HERC3: variants seen among roughly 807,000 people sequenced by gnomAD.
HERC3 encodes the protein probable E3 ubiquitin-protein ligase HERC3.
Under a neutral mutation model 129.9 loss-of-function variants are expected in HERC3, and 58 were observed. That is an observed-to-expected ratio of 0.45 (90% CI 0.36 to 0.56). The LOEUF (loss-of-function observed/expected upper bound fraction) is 0.56, where lower values mean the gene tolerates loss of function less well. Among genes scored for constraint, HERC3 ranks in the 20% least tolerant of loss-of-function variants. HERC3 has a pLI of 0.00. For synonymous variants in HERC3, 430 were observed against 451.0 expected (o/e 0.95, Z 0.59); for missense variants, 835 against 1,244.2 (o/e 0.67, Z 4.95).
chr4:88,664,041 G>A, intron 11 of HERC3, 112 bp from the exon 12 acceptor site: 1 of 783,062 alleles, frequency 1.3e-6, no homozygotes, highest in Non-Finnish European at 2.0e-6. Flanking sequence ...AGCTGACAAA[G>A]AGCTGCTATT....
intron 3 of HERC3, among the ~76,000 whole-genome samples, chr4:88,635,432 G>A (rs1727270460): frequency 6.6e-6 from 1 of 151,814 alleles, no homozygotes; most frequent in Non-Finnish European, 1.5e-5. Flanking sequence ...CTGAAATAAG[G>A]CAGGCAGACA....
chr4:88,543,457 A>T, the HERC3 span, among the ~76,000 whole-genome samples: 3 of 152,240 alleles, frequency 2.0e-5, no homozygotes, highest in African/African-American at 7.2e-5. Context: ...ATGGAAGAAC[A>T]TTCCTTGCTC....
At chr4:88,702,848 T>G (rs558520369) in intron 23 of HERC3, among the ~76,000 whole-genome samples, 6 of 152,336 alleles carry the variant, frequency 3.9e-5, no homozygotes, top group African/African-American at 1.4e-4. Flanking sequence ...GTTCACAGTT[T>G]ATATTTCCAC....
At chr4:88,600,571 T>C (rs1722866730) in intron 2 of HERC3, among the ~76,000 whole-genome samples, 1 of 152,288 alleles carries the variant, frequency 6.6e-6, no homozygotes, top group African/African-American at 2.4e-5. Context: ...ACATCAGTGC[T>C]ATCCACTGTG....
chr4:88,595,352 A>G (rs1722248841), intron 1 of HERC3, among the ~76,000 whole-genome samples: 2 of 152,138 alleles, frequency 1.3e-5, no homozygotes, highest in Non-Finnish European at 1.5e-5. Context: ...GAGGTGATTG[A>G]TGTCTTTATA....
At chr4:88,531,280 T>C in the HERC3 span, among the ~76,000 whole-genome samples, 1 of 152,106 alleles carries the variant, frequency 6.6e-6, no homozygotes, top group Non-Finnish European at 1.5e-5. Flanking sequence ...CCTCAAGCTG[T>C]CCTCCCCCCT....
chr4:88,625,663 C>T (rs1043502844), intron 3 of HERC3, among the ~76,000 whole-genome samples: 1 of 152,090 alleles, frequency 6.6e-6, no homozygotes. Flanking sequence ...TTATTTCACT[C>T]ATTTGCCTTA....
the HERC3 span, among the ~76,000 whole-genome samples, chr4:88,583,390 C>T: frequency 6.6e-6 from 1 of 150,736 alleles, no homozygotes; most frequent in Non-Finnish European, 1.5e-5. Context: ...GAGCTGAGAT[C>T]ACACCACACC....
At chr4:88,587,338 T>C in the HERC3 span, among the ~76,000 whole-genome samples, 1 of 152,212 alleles carries the variant, frequency 6.6e-6, no homozygotes. Context: ...AGAAATCAAC[T>C]GAGGCAACAC....
intron 2 of HERC3, among the ~76,000 whole-genome samples, chr4:88,600,179 A>G (rs1363829399): frequency 6.6e-6 from 1 of 152,202 alleles, no homozygotes; most frequent in Non-Finnish European, 1.5e-5. Flanking sequence ...ATTATCAGTC[A>G]GGAGTTTCTT....
chr4:88,650,831 A>G (rs952111968), intron 4 of HERC3, among the ~76,000 whole-genome samples: 4 of 152,198 alleles, frequency 2.6e-5, no homozygotes, highest in Admixed American at 6.5e-5. Context: ...TATCACATAC[A>G]TTGCTGAGTA....
chr4:88,586,224 G>A, the HERC3 span, among the ~76,000 whole-genome samples: 24 of 152,172 alleles, frequency 1.6e-4, no homozygotes, highest in South Asian at 4.1e-4. Context: ...TCCGTTTTGC[G>A]TATGCCATGC....
chr4:88,525,112 A>G, the HERC3 span: 1 of 152,204 alleles, frequency 6.6e-6, no homozygotes. Context: ...TAGGATACCA[A>G]AAAGGAAACA....
At chr4:88,622,466 G>T (rs1725637556) in intron 3 of HERC3, among the ~76,000 whole-genome samples, 1 of 150,156 alleles carries the variant, frequency 6.7e-6, no homozygotes. Context: ...TTTTTTGTGT[G>T]GACACATGTT....
chr4:88,562,425 T>C, the HERC3 span, among the ~76,000 whole-genome samples: 3 of 152,196 alleles, frequency 2.0e-5, no homozygotes, highest in South Asian at 2.1e-4. Context: ...AGATGGGTAG[T>C]TTGCAGATAT....
At chr4:88,706,695 C>A in intron 25 of HERC3, 57 bp from the exon 26 acceptor site, 1 of 1,426,680 alleles carries the variant, frequency 7.0e-7, no homozygotes, top group African/African-American at 1.4e-5. Flanking sequence ...CCAGAAGGAT[C>A]TCTGAGATCC....
intron 23 of HERC3, chr4:88,693,470 C>T (rs2149334513): frequency 2.1e-6 from 2 of 971,898 alleles, no homozygotes; most frequent in South Asian, 4.8e-5. Context: ...CACACATAGG[C>T]TACTTTACAT....
intron 3 of HERC3, among the ~76,000 whole-genome samples, chr4:88,644,712 T>C (rs961859913): frequency 6.6e-6 from 1 of 152,172 alleles, no homozygotes; most frequent in Non-Finnish European, 1.5e-5. Context: ...TGTAGTTACA[T>C]GTGTTTGAAT....
chr4:88,681,547 G>A (rs563689154), intron 21 of HERC3, among the ~76,000 whole-genome samples: 137 of 152,290 alleles, frequency 9.0e-4, no homozygotes, highest in African/African-American at 3.2e-3. Context: ...TTAGTTCCAG[G>A]ACAACCTGCA....
Sources: gnomAD v4.1 joint callset for allele counts (sites outside exome capture counted in the v4.1 genomes callset) on GRCh38, gnomAD v4.1.1 for gene constraint, MANE v1.5 for transcripts, NCBI Gene and HGNC (gene_info 2026-07-23, HGNC 2026-07-21) for gene names.